The following CNTN4 variants were observed in gnomAD, a reference collection of about 807,000 sequenced individuals.
CNTN4 encodes the protein contactin 4, also known as contactin-4.
A neutral mutation model predicts 122.5 loss-of-function variants in CNTN4; 77 were observed. The observed-to-expected ratio is 0.63, with a 90% CI of 0.52 to 0.76. CNTN4 has a LOEUF of 0.76. Among genes scored for constraint, CNTN4 ranks in the 30% least tolerant of loss-of-function variants. The pLI, the probability that CNTN4 is intolerant of heterozygous loss-of-function variation, is 0.00. For missense variants in CNTN4, 1,256 were observed against 1,259.1 expected, an observed-to-expected ratio of 1.00 and a Z score of 0.04; for synonymous variants, 512 against 447.0, an observed-to-expected ratio of 1.15 and a Z score of -1.83.
chr3:2,970,242 A>G (rs1392952109), intron 13 of CNTN4, among the ~76,000 whole-genome samples: 1 of 151,966 alleles, frequency 6.6e-6, no homozygotes, highest in African/African-American at 2.4e-5. Flanking sequence ...CTACAAGTGC[A>G]TGCCCCCACA....
At chr3:2,905,820 C>A (rs1379034594) in intron 12 of CNTN4, among the ~76,000 whole-genome samples, 1 of 152,192 alleles carries the variant, frequency 6.6e-6, no homozygotes, top group Admixed American at 6.5e-5. Context: ...TAGATTTTGA[C>A]AAACACAAAG....
chr3:2,289,253 C>T (rs1227218248), intron 2 of CNTN4, among the ~76,000 whole-genome samples: 1 of 152,058 alleles, frequency 6.6e-6, no homozygotes, highest in East Asian at 1.9e-4. Flanking sequence ...GATGAGAGAC[C>T]AGGTCCCCTA....
intron 12 of CNTN4, among the ~76,000 whole-genome samples, chr3:2,911,531 A>G (rs1223223667): frequency 1.3e-5 from 2 of 152,212 alleles, no homozygotes; most frequent in African/African-American, 4.8e-5. Context: ...GCACACAAAG[A>G]AACCAGAAGA....
At chr3:2,217,692 G>GAGA (rs386395778) in intron 2 of CNTN4, among the ~76,000 whole-genome samples, 1 of 151,276 alleles carries the variant, frequency 6.6e-6, no homozygotes, top group Non-Finnish European at 1.5e-5. Context: ...AAGAGAGAGA[G>GAGA]AAAAAAATCT....
chr3:2,940,171 C>A (rs1260511322), intron 13 of CNTN4, among the ~76,000 whole-genome samples: 2 of 152,182 alleles, frequency 1.3e-5, no homozygotes. Context: ...TGGACAGACT[C>A]TTCTGATTTA....
At chr3:2,958,649 T>A (rs1255776912) in intron 13 of CNTN4, among the ~76,000 whole-genome samples, 1 of 152,168 alleles carries the variant, frequency 6.6e-6, no homozygotes, top group Non-Finnish European at 1.5e-5. Context: ...TCCCCTTAAG[T>A]AGCAGTAAAA....
intron 12 of CNTN4, among the ~76,000 whole-genome samples, chr3:2,914,471 T>C (rs1420890628): frequency 6.6e-6 from 1 of 152,052 alleles, no homozygotes; most frequent in Non-Finnish European, 1.5e-5. Context: ...AAACAGATGA[T>C]TCAGAAATAA....
intron 4 of CNTN4, among the ~76,000 whole-genome samples, chr3:2,716,534 C>T (rs978690620): frequency 6.6e-6 from 1 of 151,922 alleles, no homozygotes; most frequent in Non-Finnish European, 1.5e-5. Context: ...CATTTTCTCC[C>T]ATTCTCTGTG....
chr3:2,472,944 G>A (rs552779653), intron 3 of CNTN4, among the ~76,000 whole-genome samples: 1 of 152,180 alleles, frequency 6.6e-6, no homozygotes, highest in Non-Finnish European at 1.5e-5. Context: ...TGAAAGACTA[G>A]CATAGTCGGC....
intron 4 of CNTN4, among the ~76,000 whole-genome samples, chr3:2,732,266 C>T (rs1410236114): frequency 6.6e-6 from 1 of 152,074 alleles, no homozygotes; most frequent in Non-Finnish European, 1.5e-5. Context: ...AAGAATCACC[C>T]AGAGAGCTAG....
At chr3:2,210,501 T>G (rs2038567847) in intron 2 of CNTN4, among the ~76,000 whole-genome samples, 1 of 152,180 alleles carries the variant, frequency 6.6e-6, no homozygotes, top group Admixed American at 6.6e-5. Context: ...TTCCACACAA[T>G]GTAGCCAGTG....
chr3:3,037,116 G>A (rs934697840), intron 17 of CNTN4, 63 bp from the exon 18 acceptor site: 12 of 1,565,202 alleles, frequency 7.7e-6, no homozygotes, highest in East Asian at 6.7e-5. Flanking sequence ...TCTTCCTAAC[G>A]TAATCTCTGC....
At chr3:2,272,588 A>G (rs2041344255) in intron 2 of CNTN4, among the ~76,000 whole-genome samples, 1 of 152,152 alleles carries the variant, frequency 6.6e-6, no homozygotes. Context: ...GAATATTTCC[A>G]GTTGAATTTT....
At chr3:2,300,686 C>T (rs2042474536) in intron 2 of CNTN4, among the ~76,000 whole-genome samples, 1 of 150,772 alleles carries the variant, frequency 6.6e-6, no homozygotes, top group Non-Finnish European at 1.5e-5. Flanking sequence ...ATTTCCCTGC[C>T]TCAGCCTCTC....
At chr3:2,327,927 C>T (rs1456772030) in intron 2 of CNTN4, among the ~76,000 whole-genome samples, 10 of 152,164 alleles carry the variant, frequency 6.6e-5, no homozygotes, top group Non-Finnish European at 1.5e-4. Context: ...GAATTCCCCT[C>T]ACCCCTTCCC....
At chr3:3,045,095 C>T (rs935974721) in intron 23 of CNTN4, among the ~76,000 whole-genome samples, 1 of 152,166 alleles carries the variant, frequency 6.6e-6, no homozygotes, top group Non-Finnish European at 1.5e-5. Flanking sequence ...GGGGAGGGGG[C>T]GCCTGCCATT....
At position 2,925,795 on chromosome 3, in the gene CNTN4, A is replaced by C. The variant is rs777541191; in HGVS notation, c.1358+16A>C. 1 of 1,600,342 alleles carries C rather than the reference A, an allele frequency of 6.2e-7. No individual in the cohort carries two copies. Among genetic ancestry groups the C allele is most frequent in the South Asian group, 1.1e-5 (1 of 90,762 alleles). ...AAAATGAAAGGTACTGTCTTGAATT[A>C]TTTTCAATATTTGGTTAACCTGTAA... On this transcript the variant is annotated intron_variant, in intron 13 of 24. Coordinates refer to ENST00000418658, the MANE Select transcript of CNTN4 (RefSeq NM_175607.3).
intron 4 of CNTN4, among the ~76,000 whole-genome samples, chr3:2,710,358 A>G (rs1003264309): frequency 6.6e-6 from 1 of 152,192 alleles, no homozygotes; most frequent in African/African-American, 2.4e-5. Context: ...GAATAATATT[A>G]ACTGTGCATT....
At chr3:2,566,069 C>T (rs533869959) in intron 3 of CNTN4, among the ~76,000 whole-genome samples, 1 of 152,324 alleles carries the variant, frequency 6.6e-6, no homozygotes, top group Admixed American at 6.5e-5. Flanking sequence ...AGCTCTGAAA[C>T]CTGTGCTATC....
Sources: allele counts gnomAD v4.1 joint callset (sites outside exome capture counted in the v4.1 genomes callset), GRCh38; gene constraint gnomAD v4.1.1; transcripts MANE v1.5; gene names NCBI Gene and HGNC (gene_info 2026-07-23, HGNC 2026-07-21).